PHKG2: variants seen among roughly 807,000 people sequenced by gnomAD.
PHKG2 encodes the protein phosphorylase b kinase gamma catalytic chain, liver/testis isoform.
A neutral mutation model predicts 44.5 loss-of-function variants in PHKG2; 28 were observed. The ratio of observed to expected loss-of-function variants is 0.63; its 90% CI spans 0.47 to 0.86. The LOEUF (loss-of-function observed/expected upper bound fraction) is 0.86, where lower values mean the gene tolerates loss of function less well. Ranked by LOEUF, PHKG2 falls within the 40% of genes least tolerant of loss-of-function variation. PHKG2 has a pLI of 0.00. For synonymous variants in PHKG2, 220 were observed against 211.2 expected (o/e 1.04, Z -0.36); for missense variants, 498 against 547.5 (o/e 0.91, Z 0.90).
intron 2 of PHKG2, among the ~76,000 whole-genome samples, chr16:30,749,196 CTGGTGGTGGTGT>C (rs1186448614): frequency 0.011 from 333 of 31,266 alleles, 8 homozygotes; most frequent in African/African-American, 0.039. Flanking sequence ...GGTGGTGGTG[CTGGTGGTGGTGT>C]GTGTGTGTGT....
In PHKG2 at chr16:30,757,706, T is replaced by TG. The variant is rs773295686; in HGVS notation, c.*615dup. 3.2e-6 allele frequency: 5 copies of TG among 1,554,352 alleles called. No homozygotes were observed. In the African/African-American group the frequency reaches 5.5e-5, roughly 17 times the overall value. On this transcript the variant is annotated 3_prime_UTR_variant, in exon 10 of 10. Transcript: ENST00000563588. ...GGTGAGGAGAGATGCTGTCTGGCAATGGGGGGATGGTCCCTAGTTGGGCAA... is the reference window on the plus strand; with the variant it reads ...GGTGAGGAGAGATGCTGTCTGGCAATGGGGGGGATGGTCCCTAGTTGGGCAA...
Position 30,756,679 on chromosome 16 carries a change from C to T in PHKG2, c.891C>T (p.Ser297=). The T allele has an allele frequency of 6.2e-7, 1 of 1,614,058 alleles. No homozygotes were observed. The highest frequency in any genetic ancestry group is 8.5e-7 in the Non-Finnish European group (1 of 1,180,032). The change falls in exon 9 of 10, where the codon AGC becomes AGT. Residue 297 remains serine (S), a synonymous_variant. Coordinates refer to ENST00000563588, the MANE Select transcript of PHKG2 (RefSeq NM_000294.3). ...CCTTCTTTGAGCGTTGTGAAGGCAG[C>T]CAACCCTGGAACCTCACCCCCCGCC... is the stretch of plus-strand genomic sequence containing the variant. ...QHPFFERCEG[S]QPWNLTPRQR... is the part of the protein sequence containing the mutation.
intron 4 of PHKG2, 38 bp from the exon 5 acceptor site, chr16:30,753,194 T>G (rs769766375): frequency 6.5e-7 from 1 of 1,529,184 alleles, no homozygotes; most frequent in South Asian, 1.1e-5. Flanking sequence ...GCCCCCACTG[T>G]GGGATGCAGC....
In PHKG2 at chr16:30,760,235, C is replaced by T. The variant is rs746987447; in HGVS notation, c.*3138C>T. ...TTCCCATGGTCACTTGTGCCAGGCC[C>T]GGTTCCTCTTCTCCCTGGGGCTCAA... On this transcript the variant is annotated 3_prime_UTR_variant, in exon 10 of 10. Transcript: ENST00000563588. 24 of 1,613,402 alleles carry T rather than the reference C, an allele frequency of 1.5e-5. No homozygotes were observed. Among genetic ancestry groups the T allele is most frequent in the Middle Eastern group, 1.6e-4 (1 of 6,084 alleles).
chr16:30,750,100 G>A (rs979387381), intron 2 of PHKG2, among the ~76,000 whole-genome samples: 3 of 152,156 alleles, frequency 2.0e-5, no homozygotes, highest in Non-Finnish European at 4.4e-5. Context: ...CTTAGTGGTT[G>A]CGCAGGAAAT....
In PHKG2 at chr16:30,756,369, G is replaced by C. The variant is rs1293985479; in HGVS notation, c.650G>C (p.Trp217Ser). The change falls in exon 8 of 10, where the codon TGG becomes TCG. Residue 217 changes from tryptophan to serine, a missense_variant and splice_region_variant. Transcript: ENST00000563588. ...CCTGACTCCAGTCTCTTTCCCAGCT[G>C]GGCCTGTGGGGTGATCTTGTTCACA... ...HPGYGKEVDLWACGVILFTLL... is the reference protein window; with the variant it reads ...HPGYGKEVDLSACGVILFTLL... The C allele has an allele frequency of 6.2e-7, 1 of 1,614,150 alleles. No homozygotes were observed.
rs556977075 is a variant in PHKG2, at chr16:30,756,969, G to C, written c.1093G>C (p.Gly365Arg). ...FRLYGHWVKK[G>R]EQQNRAALFQ... ...GCTCTACGGGCACTGGGTAAAGAAA[G>C]GGGAGCAGCAGAACCGGGCGGCTCT... Residue 365 changes from glycine to arginine, a missense_variant, in exon 10 of 10, where the codon GGG becomes CGG. Coordinates refer to ENST00000563588, the MANE Select transcript of PHKG2 (RefSeq NM_000294.3). The C allele has an allele frequency of 6.8e-6, 11 of 1,613,010 alleles. No homozygotes were observed. In the South Asian group the frequency reaches 1.2e-4, roughly 18 times the overall value.
Position 30,757,838 on chromosome 16 carries a change from T to C in PHKG2, c.*741T>C, listed in dbSNP as rs1350607886. ...GAGAGGTAGTTGGGTAGGGTGGCTATGCTGGACTTTGCAGCTTCAAATTCT... is the reference window on the plus strand; with the variant it reads ...GAGAGGTAGTTGGGTAGGGTGGCTACGCTGGACTTTGCAGCTTCAAATTCT... On this transcript the variant is annotated 3_prime_UTR_variant, in exon 10 of 10. Transcript: ENST00000563588. The C allele has an allele frequency of 4.3e-6, 6 of 1,403,364 alleles. No individual in the cohort carries two copies. Among genetic ancestry groups the C allele is most frequent in the Non-Finnish European group, 5.5e-6 (6 of 1,082,864 alleles). 86.9% of individuals were successfully genotyped at this position (1,403,364 alleles called of 1,614,324 possible).
intron 2 of PHKG2, 24 bp downstream of exon 2, chr16:30,748,939 G>T (rs902198017): frequency 8.7e-6 from 13 of 1,501,294 alleles, no homozygotes; most frequent in Non-Finnish European, 1.2e-5. Flanking sequence ...CAGGGAAACG[G>T]AGGTCCAAAG....
intron 2 of PHKG2, among the ~76,000 whole-genome samples, chr16:30,749,792 CG>C (rs2053320822): frequency 6.6e-6 from 1 of 152,100 alleles, no homozygotes; most frequent in Non-Finnish European, 1.5e-5. Flanking sequence ...AGAAAAGATG[CG>C]TATGCCCTGG....
Position 30,751,174 on chromosome 16 carries a change from T to C in PHKG2, c.164T>C (p.Met55Thr). 6.2e-7 allele frequency: 1 copy of C among 1,613,988 alleles called. No homozygotes were observed. ...GGCCACGAGTTTGCGGTGAAGATTATGGAAGTGACAGCTGAGCGGCTGAGT... is the reference window on the plus strand; with the variant it reads ...GGCCACGAGTTTGCGGTGAAGATTACGGAAGTGACAGCTGAGCGGCTGAGT... ...ATGHEFAVKIMEVTAERLSPE... is the reference protein window; with the variant it reads ...ATGHEFAVKITEVTAERLSPE... Residue 55 changes from methionine (M) to threonine (T), a missense_variant, in exon 3 of 10, where the codon ATG becomes ACG. Transcript: ENST00000563588.
In PHKG2 at chr16:30,758,825, A is replaced by G; in HGVS notation, c.*1728A>G. On this transcript the variant is annotated 3_prime_UTR_variant, in exon 10 of 10. Coordinates refer to ENST00000563588, the MANE Select transcript of PHKG2 (RefSeq NM_000294.3). ...CTGCCTCAGATTGTGCTGGGATTAC[A>G]GGTGTGAGCCACCACGCCTGGCCTG... is the stretch of plus-strand genomic sequence containing the variant. 4.1e-6 allele frequency: 4 copies of G among 976,466 alleles called. No individual in the cohort carries two copies. In the South Asian group the frequency reaches 5.2e-5, roughly 13 times the overall value. The allele number at this position is 976,466 out of a possible 1,614,324, so 60.5% of individuals were successfully genotyped here.
At chr16:30,755,291 C>T (rs2053402231) in intron 6 of PHKG2, 1 of 180,310 alleles carries the variant, frequency 5.5e-6, no homozygotes, top group African/African-American at 2.4e-5. Flanking sequence ...TTGGAGGGCT[C>T]TGGACTTTAG....
In PHKG2 at chr16:30,756,253, T is replaced by C. The variant is rs2053423996; in HGVS notation, c.628T>C (p.Tyr210His). 2 of 1,614,002 alleles carry C rather than the reference T, an allele frequency of 1.2e-6. No individual in the cohort carries two copies. ...CTCCATGGATGAAACCCACCCAGGC[T>C]ATGGCAAGGAGGTCGACCTGTGAGT... ...KCSMDETHPG[Y>H]GKEVDLWACG... The change falls in exon 7 of 10, where the codon TAT becomes CAT. Residue 210 changes from tyrosine to histidine, a missense_variant. By Grantham distance (83) the Tyr-to-His change is moderately conservative (BLOSUM62 2). Transcript: ENST00000563588.
chr16:30,748,440 C>T lies in PHKG2; in HGVS notation c.-69C>T, dbSNP rs1048461562. The T allele has an allele frequency of 1.5e-5, 4 of 269,748 alleles. No individual in the cohort carries two copies. Among genetic ancestry groups the T allele is most frequent in the African/African-American group, 6.9e-5 (3 of 43,622 alleles). The allele number at this position is 269,748 out of a possible 1,614,324, so 16.7% of individuals were successfully genotyped here. A position where few individuals can be genotyped will look rare whatever the true frequency, so the allele number is the denominator to read the frequency against. On this transcript the variant is annotated 5_prime_UTR_variant, in exon 1 of 10. Coordinates refer to ENST00000563588, the MANE Select transcript of PHKG2 (RefSeq NM_000294.3). The stretch of plus-strand genomic sequence containing the variant: ...TAAGGTGAGCGACTGCAGGCAAACC[C>T]GGCGACAGCGCAGCTCGCGTCGACC...
At position 30,760,906 on chromosome 16, in the gene PHKG2, T is replaced by C. The variant is rs898176899; in HGVS notation, c.*3809T>C. The C allele has an allele frequency of 2.6e-5, 16 of 614,944 alleles. No homozygotes were observed. Among genetic ancestry groups the C allele is most frequent in the Non-Finnish European group, 4.3e-5 (15 of 348,180 alleles). The allele number at this position is 614,944 out of a possible 1,614,324, so 38.1% of individuals were successfully genotyped here. ...TTCTTTTTTCTGCTCTGCCACTACC[T>C]TGTATGACCTTGGTCAAGTACTCCC... On this transcript the variant is annotated 3_prime_UTR_variant, in exon 10 of 10. Coordinates refer to ENST00000563588, the MANE Select transcript of PHKG2 (RefSeq NM_000294.3).
chr16:30,756,198 A>G lies in PHKG2; in HGVS notation c.573A>G (p.Pro191=). The change falls in exon 7 of 10, where the codon CCA becomes CCG. Residue 191 remains proline (P), a synonymous_variant. Transcript: ENST00000563588. ...TCTCCCCAGAGTTGTGTGGGACCCC[A>G]GGGTATCTAGCGCCAGAGATCCTTA... ...GEKLRELCGT[P]GYLAPEILKC... is the part of the protein sequence containing the mutation. The G allele has an allele frequency of 1.9e-6, 3 of 1,613,944 alleles. No individual in the cohort carries two copies. Among genetic ancestry groups the G allele is most frequent in the Non-Finnish European group, 1.7e-6 (2 of 1,179,846 alleles).
At position 30,761,089 on chromosome 16, in the gene PHKG2, G is replaced by C; in HGVS notation, c.*3992G>C. On this transcript the variant is annotated 3_prime_UTR_variant, in exon 10 of 10. Coordinates refer to ENST00000563588, the MANE Select transcript of PHKG2 (RefSeq NM_000294.3). ...GTCACCTGGAGTAATTGCATCTCCA[G>C]GCCTCAGTCTCATCTGTAAAATGGG... The C allele has an allele frequency of 7.9e-7, 1 of 1,271,134 alleles. No individual in the cohort carries two copies. The highest frequency in any genetic ancestry group is 1.1e-6 in the Non-Finnish European group (1 of 903,250). 78.7% of individuals were successfully genotyped at this position (1,271,134 alleles called of 1,614,324 possible). A position where few individuals can be genotyped will look rare whatever the true frequency, so the allele number is the denominator to read the frequency against.
Position 30,757,688 on chromosome 16 carries a change from A to G in PHKG2, c.*591A>G, listed in dbSNP as rs560177152. 5.7e-5 allele frequency: 90 copies of G among 1,578,526 alleles called. No homozygotes were observed. In the East Asian group the frequency reaches 1.9e-3, roughly 33 times the overall value. Reference sequence around the variant, plus strand: ...GCAGGGAAGAAGGGGCAGGGTGAGGAGAGATGCTGTCTGGCAATGGGGGGA... The same window carrying G: ...GCAGGGAAGAAGGGGCAGGGTGAGGGGAGATGCTGTCTGGCAATGGGGGGA... On this transcript the variant is annotated 3_prime_UTR_variant, in exon 10 of 10. Transcript: ENST00000563588.
Sources: allele counts gnomAD v4.1 joint callset (sites outside exome capture counted in the v4.1 genomes callset), GRCh38; gene constraint gnomAD v4.1.1; transcripts MANE v1.5; gene names NCBI Gene and HGNC (gene_info 2026-07-23, HGNC 2026-07-21).